Variants in PCDH15 observed in about 807,000 individuals in gnomAD.
PCDH15 encodes protocadherin related 15, also known as protocadherin-15.
PCDH15 carries 129 observed loss-of-function variants against 178.5 expected under a neutral mutation model. The observed-to-expected ratio is 0.72, with a 90% confidence interval of 0.63 to 0.84. The LOEUF (loss-of-function observed/expected upper bound fraction) is 0.84, where lower values mean the gene tolerates loss of function less well. PCDH15 is among the 40% of genes least tolerant of loss of function. The pLI is 0.00. For synonymous variants in PCDH15, 800 were observed against 732.0 expected, an observed-to-expected ratio of 1.09 and a Z score of -1.50; for missense variants, 2,230 against 2,099.9, an observed-to-expected ratio of 1.06 and a Z score of -1.21.
At position 54,236,824 on chromosome 10, in the gene PCDH15, A is replaced by C; in HGVS notation, c.984T>G (p.Val328=). 6.2e-7 allele frequency: 1 copy of C among 1,608,286 alleles called. No homozygotes were observed. Among genetic ancestry groups the C allele is most frequent in the Non-Finnish European group, 8.5e-7 (1 of 1,174,784 alleles). The part of the protein sequence containing the change: ...DRPGILYSIL[V]GTPEDYPRFF... The stretch of plus-strand genomic sequence containing the variant: ...TGTAAAATGTTATCAGATACAAACC[A>C]ACAAGGATGGAATAGAGGATTCCTG... The change falls in exon 9 of 38, where the codon GTT becomes GTG. Residue 328 remains valine, a splice_region_variant and synonymous_variant. Transcript: ENST00000644397.
At chr10:55,419,049 T>C (rs1391214004) in intron 2 of PCDH15, among the ~76,000 whole-genome samples, 1 of 151,772 alleles carries the variant, frequency 6.6e-6, no homozygotes, top group African/African-American at 2.4e-5. Flanking sequence ...GAAAAGTTTA[T>C]GCAGAAACCT....
intron 26 of PCDH15, among the ~76,000 whole-genome samples, chr10:53,874,797 GA>G (rs1485711426): frequency 6.6e-6 from 1 of 151,908 alleles, no homozygotes; most frequent in Middle Eastern, 3.2e-3. Context: ...AGTAGACACT[GA>G]ATATAAAGCA....
At chr10:54,201,041 A>C (rs1476186793) in intron 10 of PCDH15, among the ~76,000 whole-genome samples, 2 of 152,150 alleles carry the variant, frequency 1.3e-5, no homozygotes, top group Non-Finnish European at 2.9e-5. Context: ...ATTACCCTGC[A>C]CGAACCTCCT....
At chr10:55,521,107 A>G (rs1036927302) in intron 2 of PCDH15, among the ~76,000 whole-genome samples, 3 of 151,946 alleles carry the variant, frequency 2.0e-5, no homozygotes, top group African/African-American at 7.2e-5. Flanking sequence ...CCTTAGCAAC[A>G]ACCATTCCAC....
intron 8 of PCDH15, among the ~76,000 whole-genome samples, chr10:54,297,825 T>C (rs1423882968): frequency 1.3e-5 from 2 of 152,174 alleles, no homozygotes; most frequent in South Asian, 4.1e-4. Context: ...AAGCCTTTGA[T>C]CTTATTGGAA....
At chr10:53,904,415 GT>G (rs1225245098) in intron 25 of PCDH15, among the ~76,000 whole-genome samples, 3 of 150,262 alleles carry the variant, frequency 2.0e-5, no homozygotes, top group Non-Finnish European at 3.0e-5. Flanking sequence ...ATTTGTATTT[GT>G]TGAATAAATT....
upstream of PCDH15, among the ~76,000 whole-genome samples, chr10:54,806,084 T>A (rs1359759786): frequency 6.6e-6 from 1 of 152,208 alleles, no homozygotes; most frequent in Non-Finnish European, 1.5e-5. Context: ...AAATACTTTT[T>A]TAATTTAACA....
In PCDH15 at chr10:54,214,095, T is replaced by C. The variant is rs927764032; in HGVS notation, c.986-47A>G. The stretch of plus-strand genomic sequence containing the variant: ...GTACATAATTGAGAACAATAAGTAA[T>C]ATGTGTATCTGCTTTTTCTATTTCC... On this transcript the variant is annotated intron_variant, in intron 9 of 37. Transcript: ENST00000644397. 4 of 997,074 alleles carry C rather than the reference T, an allele frequency of 4.0e-6. No homozygotes were observed. In the African/African-American group the frequency reaches 4.8e-5, roughly 12 times the overall value. 61.8% of individuals were successfully genotyped at this position (997,074 alleles called of 1,614,324 possible).
chr10:53,840,278 A>C, intron 29 of PCDH15, 42 bp downstream of exon 29: 1 of 1,582,410 alleles, frequency 6.3e-7, no homozygotes, highest in African/African-American at 1.3e-5. Context: ...TATGGTTGCT[A>C]TTGTAACCAA....
chr10:54,156,569 C>T (rs1050506650), intron 13 of PCDH15, among the ~76,000 whole-genome samples: 1 of 152,172 alleles, frequency 6.6e-6, no homozygotes, highest in Non-Finnish European at 1.5e-5. Context: ...CTGGGTCCTC[C>T]CACAACACGT....
chr10:54,615,230 A>G (rs2093095929), intron 2 of PCDH15, among the ~76,000 whole-genome samples: 1 of 152,074 alleles, frequency 6.6e-6, no homozygotes, highest in South Asian at 2.1e-4. Flanking sequence ...TACAGTAGAA[A>G]ATAGAAGGGG....
In PCDH15 at chr10:54,147,509, A is replaced by G. The variant is rs1446684125; in HGVS notation, c.1784+5591T>C. 2.0e-5 allele frequency among the ~76,000 whole-genome samples: 3 copies of G among 151,916 alleles called. No homozygotes were observed. The East Asian group carries it at 5.8e-4, about 29-fold the overall frequency. The stretch of plus-strand genomic sequence containing the variant: ...TGTCTTACAAATAGAAACTGAGCAA[A>G]AAGAGGAATATAAGATCTCATTCAT... On this transcript the variant is annotated intron_variant, in intron 14 of 37. Transcript: ENST00000644397.
intron 1 of PCDH15, among the ~76,000 whole-genome samples, chr10:54,792,499 T>C (rs1951518369): frequency 6.6e-6 from 1 of 151,936 alleles, no homozygotes; most frequent in Admixed American, 6.6e-5. Context: ...ACATTAACAT[T>C]TGAATTGGTA....
chr10:55,624,365 A>G (rs112045447), intron 2 of PCDH15, among the ~76,000 whole-genome samples: 4 of 151,970 alleles, frequency 2.6e-5, no homozygotes, highest in African/African-American at 9.7e-5. Flanking sequence ...GCATTATTAG[A>G]GAGGACGTTT....
chr10:54,503,967 C>A (rs1166399401), intron 3 of PCDH15, among the ~76,000 whole-genome samples: 14 of 152,100 alleles, frequency 9.2e-5, no homozygotes, highest in Non-Finnish European at 4.4e-5. Context: ...TAAATGTGAA[C>A]TGACCGTGGT....
chr10:54,482,098 C>G (rs2078760273), intron 3 of PCDH15, among the ~76,000 whole-genome samples: 1 of 151,792 alleles, frequency 6.6e-6, no homozygotes, highest in East Asian at 1.9e-4. Context: ...TGAGAACTAA[C>G]TGATTTTTGG....
chr10:55,188,544 G>A (rs1221229955), intron 1 of PCDH15, among the ~76,000 whole-genome samples: 2 of 151,834 alleles, frequency 1.3e-5, no homozygotes, highest in Non-Finnish European at 2.9e-5. Flanking sequence ...CTCTACTGGA[G>A]TTAAGAAACT....
In PCDH15 at chr10:54,907,529, C is replaced by T. The variant is rs529832170; in HGVS notation, c.-79-10029G>A. ...TTTAGCTGTGTTTTCACTGTATGCT[C>T]TCTTGGTCTCTGCCCTTTGATTCAC... On this transcript the variant is annotated intron_variant, in intron 2 of 5. Transcript: ENST00000458638. Among the ~76,000 whole-genome samples, 105 of 152,126 alleles carry T rather than the reference C, an allele frequency of 6.9e-4. 1 individual carries two copies. Among genetic ancestry groups the T allele is most frequent in the Admixed American group, 1.2e-3 (18 of 15,260 alleles).
Position 54,298,558 on chromosome 10 carries a change from CT to C in PCDH15, c.876+18712del, listed in dbSNP as rs1291464530. Among the ~76,000 whole-genome samples the C allele has an allele frequency of 5.3e-5, 8 of 152,228 alleles. No homozygotes were observed. The East Asian group carries it at 1.5e-3, about 29-fold the overall frequency. On this transcript the variant is annotated intron_variant, in intron 8 of 37. Coordinates refer to ENST00000644397, the MANE Select transcript of PCDH15 (RefSeq NM_001384140.1). ...TGTCCAATGAGAAACAAGCTGCCCC[CT>C]CATCCATGTCCACTGTGCAGAGGCA...
Sources: gnomAD v4.1 joint callset for allele counts (sites outside exome capture counted in the v4.1 genomes callset) on GRCh38, gnomAD v4.1.1 for gene constraint, MANE v1.5 for transcripts, NCBI Gene and HGNC (gene_info 2026-07-23, HGNC 2026-07-21) for gene names.